Variants in RBFOX3 observed in about 807,000 individuals in gnomAD.
RBFOX3 encodes the protein RNA binding protein fox-1 homolog 3.
RBFOX3 carries 17 observed loss-of-function variants against 48.7 expected under a neutral mutation model. The observed-to-expected ratio is 0.35, with a 90% confidence interval of 0.24 to 0.52. The LOEUF is 0.52. Among genes scored for constraint, RBFOX3 ranks in the 20% least tolerant of loss-of-function variants. The probability of loss-of-function intolerance (pLI) is 0.94; values close to 1 mark genes in which losing one functional copy is unlikely to be tolerated. For synonymous variants in RBFOX3, 212 were observed against 209.5 expected (o/e 1.01, Z -0.10); for missense variants, 382 against 497.5 (o/e 0.77, Z 2.21).
chr17:79,382,091 A>T (rs1303749102), intron 2 of RBFOX3, among the ~76,000 whole-genome samples: 1 of 152,188 alleles, frequency 6.6e-6, no homozygotes, highest in Non-Finnish European at 1.5e-5. Flanking sequence ...GGACCCACAG[A>T]ATAGGAGACC....
chr17:79,129,530 C>T lies in RBFOX3; in HGVS notation c.-33-13782G>A, dbSNP rs143699997. On this transcript the variant is annotated intron_variant, in intron 4 of 14. Coordinates refer to ENST00000693108, the MANE Select transcript of RBFOX3 (RefSeq NM_001350451.2). The stretch of plus-strand genomic sequence containing the variant: ...GCCAGTTGTCCAGGCTTCCTGAGTT[C>T]ATTCTAACCTAGTGACCAACCAGGG... Among the ~76,000 whole-genome samples, 57 of 152,316 alleles carry T rather than the reference C, an allele frequency of 3.7e-4. 3 individuals carry two copies. Among genetic ancestry groups the T allele is most frequent in the African/African-American group, 1.2e-3 (51 of 41,568 alleles).
At chr17:79,338,002 G>A (rs1431353931) in intron 2 of RBFOX3, among the ~76,000 whole-genome samples, 2 of 150,640 alleles carry the variant, frequency 1.3e-5, no homozygotes, top group South Asian at 2.1e-4. Context: ...GCAGTGGCGC[G>A]ATCTCGGCTC....
chr17:79,208,407 A>T (rs1424969346), intron 4 of RBFOX3: 1 of 152,316 alleles, frequency 6.6e-6, no homozygotes, highest in Non-Finnish European at 1.5e-5. Flanking sequence ...GCTGGGAGTC[A>T]GTCGGGAAGG....
In RBFOX3 at chr17:79,425,846, G is replaced by C. The variant is rs149041535; in HGVS notation, c.-175+56608C>G. Among the ~76,000 whole-genome samples the C allele has an allele frequency of 3.5e-3, 532 of 152,246 alleles. 5 individuals are homozygous for C. The highest frequency in any genetic ancestry group is 0.012 in the African/African-American group (504 of 41,522). Reference sequence around the variant, plus strand: ...GGAGGAGAGGATGGGGGGAGGAGAGGACAAGGAATGGTGAGGGCAGAGACC... The same window carrying C: ...GGAGGAGAGGATGGGGGGAGGAGAGCACAAGGAATGGTGAGGGCAGAGACC... On this transcript the variant is annotated intron_variant, in intron 2 of 14. Transcript: ENST00000693108.
intron 1 of RBFOX3, among the ~76,000 whole-genome samples, chr17:79,499,350 CTA>C (rs1247422210): frequency 1.3e-5 from 2 of 151,070 alleles, no homozygotes; most frequent in African/African-American, 4.9e-5. Context: ...TTCCATCCAT[CTA>C]TATATTCATC....
intron 3 of RBFOX3, among the ~76,000 whole-genome samples, chr17:79,268,491 C>T (rs1183210520): frequency 5.3e-5 from 8 of 152,154 alleles, no homozygotes; most frequent in Non-Finnish European, 8.8e-5. Flanking sequence ...TCTCCCGCTG[C>T]GGGTGGGGAC....
chr17:79,238,715 A>C (rs552502042), intron 3 of RBFOX3, among the ~76,000 whole-genome samples: 1 of 152,256 alleles, frequency 6.6e-6, no homozygotes. Context: ...AGTTCTCTTA[A>C]ATGTGTCACA....
chr17:79,170,112 G>GAGGAAGGA (rs749783223), intron 4 of RBFOX3, among the ~76,000 whole-genome samples: 294 of 148,678 alleles, frequency 2.0e-3, no homozygotes, highest in South Asian at 9.2e-3. Flanking sequence ...AGGAAAGGAG[G>GAGGAAGGA]AGGAAGGAAG....
At chr17:79,288,755 C>T (rs1345548220) in intron 3 of RBFOX3, among the ~76,000 whole-genome samples, 1 of 152,004 alleles carries the variant, frequency 6.6e-6, no homozygotes, top group Admixed American at 6.6e-5. Flanking sequence ...TCCATCTCCA[C>T]GTTTCATGTC....
At chr17:79,218,242 G>C (rs550886282) in intron 4 of RBFOX3, among the ~76,000 whole-genome samples, 1 of 152,110 alleles carries the variant, frequency 6.6e-6, no homozygotes, top group East Asian at 1.9e-4. Context: ...GACTTGGGGG[G>C]TGGCAGCGTT....
Position 79,299,235 on chromosome 17 carries a change from C to A in RBFOX3, c.-74+8489G>T, listed in dbSNP as rs994651924. Reference sequence around the variant, plus strand: ...AACCTGGCAAACCCTGGCCAGCACACCCAGACACAACCCCGGATGGCATCA... The same window carrying A: ...AACCTGGCAAACCCTGGCCAGCACAACCAGACACAACCCCGGATGGCATCA... On this transcript the variant is annotated intron_variant, in intron 3 of 14. Transcript: ENST00000693108. The surrounding 1 kb of genome is among the most constrained non-coding windows in gnomAD (Gnocchi z 4.5). 2.0e-5 allele frequency among the ~76,000 whole-genome samples: 3 copies of A among 151,886 alleles called. No individual in the cohort carries two copies. The highest frequency in any genetic ancestry group is 2.9e-5 in the Non-Finnish European group (2 of 67,998).
chr17:79,590,680 GGCACC>G (rs2093390526), intron 1 of RBFOX3, among the ~76,000 whole-genome samples: 1 of 152,174 alleles, frequency 6.6e-6, no homozygotes, highest in South Asian at 2.1e-4. Context: ...CTGGCCACCT[GGCACC>G]GAAAGTGGAG....
chr17:79,447,986 C>G (rs1272497289), intron 2 of RBFOX3, among the ~76,000 whole-genome samples: 2 of 152,150 alleles, frequency 1.3e-5, no homozygotes, highest in Non-Finnish European at 2.9e-5. Context: ...AGCACCTCCC[C>G]CTTCGCTCTC....
At chr17:79,387,759 C>T (rs2060758826) in intron 2 of RBFOX3, among the ~76,000 whole-genome samples, 1 of 152,242 alleles carries the variant, frequency 6.6e-6, no homozygotes, top group Non-Finnish European at 1.5e-5. Context: ...CCCATAACCA[C>T]ACTGCAGGGG....
intron 4 of RBFOX3, among the ~76,000 whole-genome samples, chr17:79,194,982 G>A (rs1021798144): frequency 2.0e-5 from 3 of 152,120 alleles, no homozygotes; most frequent in African/African-American, 2.4e-5. Flanking sequence ...CCTGCATTAT[G>A]CTTCTATTGG....
intron 4 of RBFOX3, among the ~76,000 whole-genome samples, chr17:79,119,618 G>A (rs1313850445): frequency 2.0e-5 from 3 of 152,184 alleles, no homozygotes; most frequent in African/African-American, 7.2e-5. Flanking sequence ...AGGTGGTCCT[G>A]GTGACTGTCT....
chr17:79,639,276 G>A, the RBFOX3 span, among the ~76,000 whole-genome samples: 38 of 152,024 alleles, frequency 2.5e-4, no homozygotes, highest in South Asian at 1.9e-3. Flanking sequence ...CCAGGTTCAC[G>A]CCATTCTCCT....
rs751253573 is a variant in RBFOX3 at position 79,397,032 on chromosome 17, G to A, written c.-175+85422C>T. 7.2e-5 allele frequency among the ~76,000 whole-genome samples: 11 copies of A among 152,216 alleles called. 1 individual carries two copies. Among genetic ancestry groups the A allele is most frequent in the Admixed American group, 1.3e-4 (2 of 15,286 alleles). On this transcript the variant is annotated intron_variant, in intron 2 of 14. Coordinates refer to ENST00000693108, the MANE Select transcript of RBFOX3 (RefSeq NM_001350451.2). Reference sequence around the variant, plus strand: ...GGAAATGCTTCCTGGCTGCAAGGACGACCTGTCTCAAGGGGTGGATTTGGG... The same window carrying A: ...GGAAATGCTTCCTGGCTGCAAGGACAACCTGTCTCAAGGGGTGGATTTGGG...
intron 1 of RBFOX3, among the ~76,000 whole-genome samples, chr17:79,579,801 A>G (rs1305431317): frequency 0.12 from 12,685 of 103,006 alleles, 786 homozygotes; most frequent in African/African-American, 0.21. Flanking sequence ...CACTGGCGCC[A>G]TGGTGGGGAG....
Sources: gnomAD v4.1 joint callset for allele counts (sites outside exome capture counted in the v4.1 genomes callset) on GRCh38, gnomAD v4.1.1 for gene constraint, Gnocchi (gnomAD v3.1) non-coding constraint, MANE v1.5 for transcripts, NCBI Gene and HGNC (gene_info 2026-07-23, HGNC 2026-07-21) for gene names.